The following SGCD variants were observed in gnomAD, a reference collection of about 807,000 sequenced individuals.
SGCD encodes sarcoglycan delta.
SGCD carries 18 observed loss-of-function variants against 36.6 expected under a neutral mutation model. That is an observed-to-expected ratio of 0.49 (90% confidence interval 0.34 to 0.73). The LOEUF (loss-of-function observed/expected upper bound fraction) is 0.73. SGCD is among the 30% of genes least tolerant of loss of function. The pLI, the probability that SGCD is intolerant of heterozygous loss-of-function variation, is 0.01. For synonymous variants in SGCD, 133 were observed against 130.6 expected, an observed-to-expected ratio of 1.02 and a Z score of -0.12; for missense variants, 387 against 346.7, an observed-to-expected ratio of 1.12 and a Z score of -0.92.
At chr5:156,056,630 C>A (rs940425585) in intron 1 of SGCD, among the ~76,000 whole-genome samples, 1 of 109,952 alleles carries the variant, frequency 9.1e-6, no homozygotes. Flanking sequence ...GGTCCCCTAC[C>A]TGCCAAATTA....
At chr5:156,177,340 G>A (rs1187356045) in intron 3 of SGCD, among the ~76,000 whole-genome samples, 1 of 152,104 alleles carries the variant, frequency 6.6e-6, no homozygotes, top group Non-Finnish European at 1.5e-5. Flanking sequence ...TGAGCCTTGT[G>A]TGCTGGGATC....
chr5:155,875,003 G>GA (rs68132109), intron 1 of SGCD, among the ~76,000 whole-genome samples: 4 of 151,738 alleles, frequency 2.6e-5, no homozygotes, highest in Middle Eastern at 3.4e-3. Context: ...CCAAAACTGG[G>GA]AAAAAAAATG....
intron 3 of SGCD, chr5:156,393,913 A>G (rs1771716387): frequency 9.0e-6 from 4 of 445,042 alleles, no homozygotes; most frequent in South Asian, 1.6e-5. Flanking sequence ...TTGGTCGTTG[A>G]CACTCACAAG....
At chr5:156,134,914 T>C (rs1375913202) in intron 3 of SGCD, among the ~76,000 whole-genome samples, 1 of 152,202 alleles carries the variant, frequency 6.6e-6, no homozygotes, top group Non-Finnish European at 1.5e-5. Context: ...GGAAGTCACA[T>C]ATTCCCTTTT....
At chr5:156,553,898 G>A (rs940443973) in intron 4 of SGCD, among the ~76,000 whole-genome samples, 2 of 152,074 alleles carry the variant, frequency 1.3e-5, no homozygotes, top group East Asian at 1.9e-4. Context: ...TGACTATTAT[G>A]AGCAATGCTA....
chr5:156,428,396 A>G (rs1482254632), intron 3 of SGCD, among the ~76,000 whole-genome samples: 4 of 151,988 alleles, frequency 2.6e-5, no homozygotes, highest in East Asian at 3.8e-4. Context: ...CTCCCATTTC[A>G]TTTCTAATTG....
In SGCD at chr5:156,580,989, T is replaced by A. The variant is rs1374654894; in HGVS notation, c.295-8242T>A. ...TTTGGAGGAGAAGAGGTGCTCTGAT[T>A]TTTAGAATTTTCAGCTTTTCTCCTC... is the stretch of plus-strand genomic sequence containing the variant. On this transcript the variant is annotated intron_variant, in intron 4 of 8. Transcript: ENST00000337851. 2.6e-5 allele frequency among the ~76,000 whole-genome samples: 4 copies of A among 152,308 alleles called. No homozygotes were observed. In the East Asian group the frequency reaches 7.7e-4, roughly 29 times the overall value.
intron 7 of SGCD, 125 bp from the exon 8 acceptor site, chr5:156,757,456 A>C: frequency 3.1e-6 from 2 of 653,090 alleles, no homozygotes; most frequent in Non-Finnish European, 5.2e-6. Context: ...GTTGTAAAGC[A>C]AAACTTTAAA....
chr5:156,444,790 A>G (rs1753688389), intron 3 of SGCD, among the ~76,000 whole-genome samples: 1 of 152,166 alleles, frequency 6.6e-6, no homozygotes, highest in Non-Finnish European at 1.5e-5. Context: ...TAATTACATC[A>G]ACATTTTTAA....
chr5:155,792,044 T>G, the SGCD span, among the ~76,000 whole-genome samples: 3 of 152,076 alleles, frequency 2.0e-5, no homozygotes, highest in Non-Finnish European at 4.4e-5. Context: ...AACATGATGC[T>G]GGTACAAAAC....
chr5:156,137,696 C>CT (rs1762491441), intron 3 of SGCD, among the ~76,000 whole-genome samples: 1 of 151,976 alleles, frequency 6.6e-6, no homozygotes, highest in African/African-American at 2.4e-5. Flanking sequence ...TTTCTAGTGA[C>CT]TTTTCCAGGG....
At chr5:156,704,239 T>A (rs1227761610) in intron 7 of SGCD, 2 of 152,182 alleles carry the variant, frequency 1.3e-5, no homozygotes, top group Non-Finnish European at 2.9e-5. Flanking sequence ...TCTGTCCAGA[T>A]ATCCGCCAGG....
At chr5:155,911,855 T>C (rs927681373) in intron 1 of SGCD, among the ~76,000 whole-genome samples, 2 of 152,084 alleles carry the variant, frequency 1.3e-5, no homozygotes, top group Non-Finnish European at 2.9e-5. Context: ...ACCTGGTCCA[T>C]TGTACACTGC....
chr5:156,767,260 G>A lies in SGCD; in HGVS notation c.*7870G>A, dbSNP rs1757609593. ...AATTTTTATCTAGTCTGTGACGGAGGGAATAAAGTTTTTCATGTATCAACC... is the reference window on the plus strand; with the variant it reads ...AATTTTTATCTAGTCTGTGACGGAGAGAATAAAGTTTTTCATGTATCAACC... On this transcript the variant is annotated 3_prime_UTR_variant, in exon 9 of 9. Coordinates refer to ENST00000337851, the MANE Select transcript of SGCD (RefSeq NM_000337.6). 1 of 151,958 alleles carries A rather than the reference G, an allele frequency of 6.6e-6. No homozygotes were observed. The highest frequency in any genetic ancestry group is 2.1e-4 in the South Asian group (1 of 4,804). 9.4% of individuals were successfully genotyped at this position (151,958 alleles called of 1,614,324 possible). A position where few individuals can be genotyped will look rare whatever the true frequency, so the allele number is the denominator to read the frequency against.
the SGCD span, among the ~76,000 whole-genome samples, chr5:155,740,521 TA>T: frequency 6.6e-6 from 1 of 152,130 alleles, no homozygotes; most frequent in Admixed American, 6.5e-5. Flanking sequence ...CTGCCAGCTT[TA>T]AAAGAGGGCA....
the SGCD span, among the ~76,000 whole-genome samples, chr5:155,827,673 T>A: frequency 5.4e-3 from 22 of 4,100 alleles, no homozygotes; most frequent in Admixed American, 0.057. Flanking sequence ...TAAATAATTC[T>A]TTTTTTTTTT....
At chr5:156,690,189 G>C (rs157333) in intron 7 of SGCD, among the ~76,000 whole-genome samples, 118,036 of 152,086 alleles carry the variant, frequency 0.78, 46,627 homozygotes, top group Admixed American at 0.86. Context: ...ACAGATGAGA[G>C]AGCAGAGGAA....
intron 1 of SGCD, among the ~76,000 whole-genome samples, chr5:156,108,413 T>C (rs905885498): frequency 6.6e-6 from 1 of 152,076 alleles, no homozygotes; most frequent in Non-Finnish European, 1.5e-5. Context: ...TGAGCCTGAA[T>C]TTTCTCAGCT....
chr5:155,825,970 G>T, the SGCD span, among the ~76,000 whole-genome samples: 90 of 152,188 alleles, frequency 5.9e-4, no homozygotes, highest in African/African-American at 2.0e-3. Flanking sequence ...GGCTGGTCTC[G>T]AACTCCTGAC....
Sources: allele counts gnomAD v4.1 joint callset (sites outside exome capture counted in the v4.1 genomes callset), GRCh38; gene constraint gnomAD v4.1.1; transcripts MANE v1.5; gene names NCBI Gene and HGNC (gene_info 2026-07-23, HGNC 2026-07-21).